KCNH5: variants seen among roughly 807,000 people sequenced by gnomAD.
KCNH5 encodes potassium voltage-gated channel subfamily H member 5.
KCNH5 carries 46 observed loss-of-function variants against 96.1 expected under a neutral mutation model. The observed-to-expected ratio is 0.48, with a 90% CI of 0.38 to 0.61. The LOEUF (loss-of-function observed/expected upper bound fraction) is 0.61. KCNH5 is among the 20% of genes least tolerant of loss of function. The pLI, the probability that KCNH5 is intolerant of heterozygous loss-of-function variation, is 0.00. For missense variants in KCNH5, 907 were observed against 1,225.8 expected (o/e 0.74, Z 3.88); for synonymous variants, 439 against 449.8 (o/e 0.98, Z 0.30).
At chr14:62,859,899 G>A (rs952658846) in intron 7 of KCNH5, among the ~76,000 whole-genome samples, 1 of 152,222 alleles carries the variant, frequency 6.6e-6, no homozygotes, top group African/African-American at 2.4e-5. Context: ...GGCCACCGGT[G>A]CAGGCTGGGG....
intron 10 of KCNH5, among the ~76,000 whole-genome samples, chr14:62,751,279 CT>C: frequency 6.6e-6 from 1 of 152,250 alleles, no homozygotes; most frequent in Middle Eastern, 3.4e-3. Flanking sequence ...CATCTATGGG[CT>C]TTTCCATCTA....
intron 9 of KCNH5, among the ~76,000 whole-genome samples, chr14:62,786,158 T>C (rs1886317443): frequency 6.6e-6 from 1 of 152,144 alleles, no homozygotes. Context: ...GCCACTGCTC[T>C]CCAGCCTGGG....
chr14:62,971,009 C>T (rs78266704), intron 6 of KCNH5, among the ~76,000 whole-genome samples: 28,100 of 151,912 alleles, frequency 0.18, 3,016 homozygotes, highest in Non-Finnish European at 0.25. Flanking sequence ...GAAATTCTAG[C>T]TAATGCAATA....
intron 6 of KCNH5, among the ~76,000 whole-genome samples, chr14:62,962,299 C>T (rs1465991787): frequency 6.6e-6 from 1 of 152,144 alleles, no homozygotes; most frequent in Non-Finnish European, 1.5e-5. Flanking sequence ...TATTTGATTG[C>T]ATTTGATCAG....
intron 6 of KCNH5, among the ~76,000 whole-genome samples, chr14:62,971,700 C>T (rs966251204): frequency 1.3e-5 from 2 of 151,728 alleles, no homozygotes; most frequent in Non-Finnish European, 2.9e-5. Context: ...GGAATAGACC[C>T]ACATAAATAT....
At chr14:62,790,209 C>T (rs1010466315) in intron 9 of KCNH5, among the ~76,000 whole-genome samples, 5 of 151,534 alleles carry the variant, frequency 3.3e-5, no homozygotes, top group African/African-American at 7.3e-5. Context: ...ATTAGTTGAC[C>T]GTATATGTTT....
rs1430319029 is a variant in KCNH5 at position 62,704,128 on chromosome 14, A to G, written c.*3380T>C. On this transcript the variant is annotated 3_prime_UTR_variant, in exon 11 of 11. Transcript: ENST00000322893. Reference sequence around the variant, plus strand: ...GTTAGCGGTCACAACTAATTTTCCTATTAAAGTGTTGAGTACAACAGAAGT... The same window carrying G: ...GTTAGCGGTCACAACTAATTTTCCTGTTAAAGTGTTGAGTACAACAGAAGT... 1.3e-5 allele frequency: 2 copies of G among 151,888 alleles called. No homozygotes were observed. Among genetic ancestry groups the G allele is most frequent in the African/African-American group, 4.8e-5 (2 of 41,428 alleles). The allele number at this position is 151,888 out of a possible 1,614,324, so 9.4% of individuals were successfully genotyped here.
intron 1 of KCNH5, among the ~76,000 whole-genome samples, chr14:63,022,214 C>G (rs1485584281): frequency 6.6e-6 from 1 of 152,132 alleles, no homozygotes; most frequent in African/African-American, 2.4e-5. Flanking sequence ...ATCTGGGAGC[C>G]ATCAATCAAC....
At chr14:62,744,768 C>T (rs1196501891) in intron 10 of KCNH5, among the ~76,000 whole-genome samples, 1 of 152,130 alleles carries the variant, frequency 6.6e-6, no homozygotes, top group African/African-American at 2.4e-5. Context: ...TTCACCAAAC[C>T]GATCATTCAG....
chr14:62,976,808 T>C (rs1395777393), intron 6 of KCNH5, among the ~76,000 whole-genome samples: 1 of 152,188 alleles, frequency 6.6e-6, no homozygotes, highest in East Asian at 1.9e-4. Flanking sequence ...CCAAGAATAT[T>C]ATAGCTAGCT....
intron 10 of KCNH5, among the ~76,000 whole-genome samples, chr14:62,737,134 T>C (rs1165475087): frequency 2.6e-5 from 4 of 152,204 alleles, no homozygotes; most frequent in Non-Finnish European, 5.9e-5. Flanking sequence ...TGAACCTTCT[T>C]TCCTGATTCA....
intron 1 of KCNH5, among the ~76,000 whole-genome samples, chr14:63,019,330 G>A (rs967726186): frequency 1.3e-5 from 2 of 151,980 alleles, no homozygotes; most frequent in African/African-American, 4.8e-5. Flanking sequence ...AGGCTTTTTT[G>A]AGGAAATTGA....
intron 10 of KCNH5, among the ~76,000 whole-genome samples, chr14:62,741,127 A>T (rs910822407): frequency 2.0e-5 from 3 of 152,198 alleles, no homozygotes; most frequent in Non-Finnish European, 4.4e-5. Context: ...GAAGACTCAT[A>T]ATGGAGTTTT....
At chr14:62,721,493 T>TCG (rs1423115460) in intron 10 of KCNH5, among the ~76,000 whole-genome samples, 3 of 74,050 alleles carry the variant, frequency 4.1e-5, no homozygotes, top group Non-Finnish European at 8.9e-5. Flanking sequence ...TCTCTCTCAC[T>TCG]CACTCGCTCT....
intron 10 of KCNH5, among the ~76,000 whole-genome samples, chr14:62,715,025 A>C (rs1884653962): frequency 1.3e-5 from 2 of 152,166 alleles, no homozygotes; most frequent in African/African-American, 4.8e-5. Flanking sequence ...TCTGTGCTTC[A>C]TTATGTTCTG....
intron 6 of KCNH5, among the ~76,000 whole-genome samples, chr14:62,977,082 A>G (rs1890513838): frequency 6.6e-6 from 1 of 152,176 alleles, no homozygotes; most frequent in East Asian, 1.9e-4. Context: ...TAACAATATC[A>G]ACACTTGGCC....
At chr14:63,018,447 A>G (rs1318436106) in intron 1 of KCNH5, among the ~76,000 whole-genome samples, 3 of 152,018 alleles carry the variant, frequency 2.0e-5, no homozygotes, top group African/African-American at 7.2e-5. Flanking sequence ...GCAGACAGCA[A>G]TGGTAAAGGG....
chr14:62,801,052 C>T lies in KCNH5; in HGVS notation c.1822+1277G>A, dbSNP rs145879057. ...GTCATTTGCAACCCTGAACCATTTTCTAGAACTCACAATTTTTACAGAACC... is the reference window on the plus strand; with the variant it reads ...GTCATTTGCAACCCTGAACCATTTTTTAGAACTCACAATTTTTACAGAACC... On this transcript the variant is annotated intron_variant, in intron 9 of 10. Transcript: ENST00000322893. Among the ~76,000 whole-genome samples the T allele has an allele frequency of 3.6e-3, 546 of 152,156 alleles. 5 individuals carry two copies. Among genetic ancestry groups the T allele is most frequent in the Non-Finnish European group, 5.3e-3 (358 of 67,986 alleles).
intron 10 of KCNH5, among the ~76,000 whole-genome samples, chr14:62,754,874 AAAAAT>A (rs146645546): frequency 0.083 from 12,561 of 151,230 alleles, 718 homozygotes; most frequent in Non-Finnish European, 0.12. Context: ...GTCTCTGTCT[AAAAAT>A]AAAATAAAGT....
Sources: allele counts gnomAD v4.1 joint callset (sites outside exome capture counted in the v4.1 genomes callset), GRCh38; gene constraint gnomAD v4.1.1; transcripts MANE v1.5; gene names NCBI Gene and HGNC (gene_info 2026-07-23, HGNC 2026-07-21).